The following DIAPH2 variants were observed in gnomAD, a reference collection of about 807,000 sequenced individuals.
DIAPH2 encodes diaphanous related formin 2.
Under a neutral mutation model 92.7 loss-of-function variants are expected in DIAPH2, and 35 were observed. The observed-to-expected ratio is 0.38, with a 90% CI of 0.29 to 0.50. The LOEUF (loss-of-function observed/expected upper bound fraction) is 0.50, where lower values mean the gene tolerates loss of function less well. Ranked by LOEUF, DIAPH2 falls within the 20% of genes least tolerant of loss-of-function variation. DIAPH2 has a pLI of 0.94. For missense variants in DIAPH2, 701 were observed against 819.5 expected, an observed-to-expected ratio of 0.86 and a Z score of 1.77; for synonymous variants, 301 against 280.4, an observed-to-expected ratio of 1.07 and a Z score of -0.73.
At chrX:97,298,985 T>G (rs893049291) in intron 23 of DIAPH2, among the ~76,000 whole-genome samples, 2 of 111,663 alleles carry the variant, frequency 1.8e-5, no homozygotes, top group African/African-American at 6.5e-5. Flanking sequence ...GTTAATTTGC[T>G]GGCTGCCTCC....
intron 16 of DIAPH2, among the ~76,000 whole-genome samples, chrX:96,963,896 C>CT (rs201964632): frequency 0.039 from 4,272 of 109,325 alleles, 99 homozygotes; most frequent in Middle Eastern, 0.085. Context: ...TAGTGAATGA[C>CT]TTTTTTTTTA....
chrX:97,477,054 G>A (rs749862302), intron 26 of DIAPH2, among the ~76,000 whole-genome samples: 41 of 99,656 alleles, frequency 4.1e-4, no homozygotes, highest in African/African-American at 1.5e-3. Flanking sequence ...TTATGGCCTC[G>A]TGCAGTGGCT....
intron 23 of DIAPH2, among the ~76,000 whole-genome samples, chrX:97,338,053 G>A (rs1433741367): frequency 9.1e-6 from 1 of 109,330 alleles, no homozygotes; most frequent in Non-Finnish European, 1.9e-5. Flanking sequence ...TGTATTTTTA[G>A]TAGAAATGGG....
chrX:97,254,865 A>G (rs917452039), intron 23 of DIAPH2, among the ~76,000 whole-genome samples: 14 of 109,454 alleles, frequency 1.3e-4, no homozygotes, highest in Non-Finnish European at 2.3e-4. Context: ...ACACCTGACT[A>G]ATTTTTGTAT....
At chrX:96,810,341 T>C (rs1446319920) in intron 4 of DIAPH2, among the ~76,000 whole-genome samples, 1 of 111,959 alleles carries the variant, frequency 8.9e-6, no homozygotes. Context: ...TGTTCATATC[T>C]TTCACCCACT....
intron 4 of DIAPH2, among the ~76,000 whole-genome samples, chrX:96,856,151 A>G (rs1046990043): frequency 8.9e-6 from 1 of 111,961 alleles, no homozygotes; most frequent in Non-Finnish European, 1.9e-5. Flanking sequence ...AGATGTTTAT[A>G]AGGAGCCACT....
chrX:97,601,578 C>T lies in DIAPH2; in HGVS notation c.*2261C>T, dbSNP rs1000528139. The T allele has an allele frequency of 9.0e-6, 1 of 111,587 alleles. No homozygotes were observed. The highest frequency in any genetic ancestry group is 1.9e-5 in the Non-Finnish European group (1 of 53,101). The allele number at this position is 111,587 out of a possible 1,213,427, so 9.2% of individuals were successfully genotyped here. On this transcript the variant is annotated 3_prime_UTR_variant, in exon 27 of 27. Coordinates refer to ENST00000324765, the MANE Select transcript of DIAPH2 (RefSeq NM_006729.5). Reference sequence around the variant, plus strand: ...TGTTTTAGATGATTGGAAAGTATATCACCAAAAAAAGTATATAGTGACATT... The same window carrying T: ...TGTTTTAGATGATTGGAAAGTATATTACCAAAAAAAGTATATAGTGACATT...
At chrX:97,165,722 C>T (rs919187087) in intron 22 of DIAPH2, among the ~76,000 whole-genome samples, 1 of 108,112 alleles carries the variant, frequency 9.2e-6, no homozygotes, top group South Asian at 4.2e-4. Flanking sequence ...AGGCTGGTCT[C>T]AAACTCCTGA....
intron 25 of DIAPH2, among the ~76,000 whole-genome samples, chrX:97,421,715 T>G (rs769857878): frequency 4.6e-4 from 52 of 112,116 alleles, no homozygotes; most frequent in African/African-American, 1.6e-3. Flanking sequence ...TGGTCCACTT[T>G]GCATGCTACG....
At chrX:97,302,706 C>T (rs191220848) in intron 23 of DIAPH2, among the ~76,000 whole-genome samples, 83 of 111,213 alleles carry the variant, frequency 7.5e-4, no homozygotes, top group African/African-American at 2.7e-3. Context: ...TCTGGCTGGG[C>T]ATGGTGGCTC....
At chrX:96,765,668 T>C (rs2064299102) in intron 4 of DIAPH2, among the ~76,000 whole-genome samples, 1 of 111,294 alleles carries the variant, frequency 9.0e-6, no homozygotes, top group Admixed American at 9.6e-5. Flanking sequence ...ATCCACTGGG[T>C]GTCTTGGGGC....
intron 23 of DIAPH2, among the ~76,000 whole-genome samples, chrX:97,249,470 G>C (rs896599752): frequency 1.8e-5 from 2 of 111,206 alleles, no homozygotes; most frequent in Non-Finnish European, 3.8e-5. Context: ...AAATGTATGG[G>C]GCTGTTACTT....
intron 26 of DIAPH2, among the ~76,000 whole-genome samples, chrX:97,483,154 A>G (rs1285624775): frequency 9.1e-6 from 1 of 110,337 alleles, no homozygotes; most frequent in Non-Finnish European, 1.9e-5. Flanking sequence ...TTCTTTTCTA[A>G]AAAGCCTTTT....
intron 4 of DIAPH2, among the ~76,000 whole-genome samples, chrX:96,863,850 C>A (rs2147727147): frequency 9.0e-6 from 1 of 111,373 alleles, no homozygotes; most frequent in African/African-American, 3.3e-5. Context: ...CTACTTGAGC[C>A]CAGAAGTTCG....
At chrX:97,386,729 C>T (rs1461484250) in intron 25 of DIAPH2, among the ~76,000 whole-genome samples, 1 of 106,649 alleles carries the variant, frequency 9.4e-6, no homozygotes, top group East Asian at 2.9e-4. Context: ...GAGGAGTAGT[C>T]GGAGAAGAGG....
chrX:96,894,974 A>ATTTTTTTT (rs766131166), intron 5 of DIAPH2, among the ~76,000 whole-genome samples: 3 of 59,531 alleles, frequency 5.0e-5, no homozygotes, highest in African/African-American at 1.2e-4. Flanking sequence ...GTTTTTCTTA[A>ATTTTTTTT]TTTTTTTTTT....
intron 20 of DIAPH2, among the ~76,000 whole-genome samples, chrX:97,111,938 T>C (rs1436861814): frequency 8.9e-6 from 1 of 112,591 alleles, no homozygotes; most frequent in Non-Finnish European, 1.9e-5. Flanking sequence ...TCAAATCAGT[T>C]AATATATAAA....
chrX:97,396,067 A>G (rs1000861521), intron 25 of DIAPH2, among the ~76,000 whole-genome samples: 2 of 112,535 alleles, frequency 1.8e-5, no homozygotes, highest in Non-Finnish European at 3.7e-5. Context: ...AGAAATTACC[A>G]AAACACATTG....
intron 22 of DIAPH2, among the ~76,000 whole-genome samples, chrX:97,195,554 A>G (rs2067694532): frequency 9.2e-6 from 1 of 108,355 alleles, no homozygotes; most frequent in Non-Finnish European, 1.9e-5. Context: ...TCAGCTACTC[A>G]GGAGGCTGAG....
Sources: allele counts gnomAD v4.1 joint callset (sites outside exome capture counted in the v4.1 genomes callset), GRCh38; gene constraint gnomAD v4.1.1; transcripts MANE v1.5; gene names NCBI Gene and HGNC (gene_info 2026-07-23, HGNC 2026-07-21).